Variants in HNRNPLL observed in about 807,000 individuals in gnomAD.
HNRNPLL encodes the protein heterogeneous nuclear ribonucleoprotein L like, also known as heterogeneous nuclear ribonucleoprotein L-like.
A neutral mutation model predicts 67.1 loss-of-function variants in HNRNPLL; 25 were observed. The ratio of observed to expected loss-of-function variants is 0.37; its 90% CI spans 0.27 to 0.52. The LOEUF (loss-of-function observed/expected upper bound fraction) is 0.52, where lower values mean the gene tolerates loss of function less well. Ranked by LOEUF, HNRNPLL falls within the 20% of genes least tolerant of loss-of-function variation. The probability of loss-of-function intolerance (pLI) is 0.90; values close to 1 mark genes in which losing one functional copy is unlikely to be tolerated. For synonymous variants in HNRNPLL, 267 were observed against 241.7 expected (o/e 1.10, Z -0.97); for missense variants, 542 against 673.9 (o/e 0.80, Z 2.17).
chr2:38,582,006 G>T (rs1191887262), intron 5 of HNRNPLL, 21 bp from the exon 6 acceptor site: 1 of 1,605,286 alleles, frequency 6.2e-7, no homozygotes, highest in African/African-American at 1.3e-5. Context: ...TGAAAATAAT[G>T]TAAGTTCAAA....
intron 1 of HNRNPLL, among the ~76,000 whole-genome samples, chr2:38,591,934 C>T (rs1666974547): frequency 6.6e-6 from 1 of 152,036 alleles, no homozygotes; most frequent in South Asian, 2.1e-4. Context: ...CAAGATCGCG[C>T]CACTGCACTC....
At chr2:38,583,947 A>G (rs1229563744) in intron 3 of HNRNPLL, 21 bp from the exon 4 acceptor site, 5 of 1,105,038 alleles carry the variant, frequency 4.5e-6, no homozygotes, top group Admixed American at 2.3e-5. Flanking sequence ...AAAGAAAAAG[A>G]TTTCTTCACA....
Position 38,582,010 on chromosome 2 carries a change from G to A in HNRNPLL, c.730-25C>T, listed in dbSNP as rs368937054. 15 of 1,600,560 alleles carry A rather than the reference G, an allele frequency of 9.4e-6. No individual in the cohort carries two copies. In the African/African-American group the frequency reaches 1.9e-4, roughly 20 times the overall value. On this transcript the variant is annotated intron_variant, in intron 5 of 12. Coordinates refer to ENST00000449105, the MANE Select transcript of HNRNPLL (RefSeq NM_138394.4). ...GCTGTTAAGATTGAAAATAATGTAA[G>A]TTCAAACTGCATATCCAAAGCATAA...
intron 8 of HNRNPLL, 101 bp downstream of exon 8, chr2:38,573,109 T>C: frequency 2.7e-6 from 2 of 751,896 alleles, no homozygotes; most frequent in Middle Eastern, 7.4e-4. Context: ...ACTCAAAGAA[T>C]TTGGATATTC....
At chr2:38,588,422 G>A (rs546803575) in intron 2 of HNRNPLL, among the ~76,000 whole-genome samples, 5 of 151,674 alleles carry the variant, frequency 3.3e-5, no homozygotes, top group Admixed American at 6.6e-5. Flanking sequence ...GGTGGCAGGC[G>A]CCTGTAATCC....
At chr2:38,570,916 C>T (rs1218809647) in intron 8 of HNRNPLL, among the ~76,000 whole-genome samples, 1 of 151,900 alleles carries the variant, frequency 6.6e-6, no homozygotes, top group African/African-American at 2.4e-5. Context: ...GGCATGGTGG[C>T]ATGCACCTGT....
At chr2:38,566,894 A>G (rs1019979424) in intron 12 of HNRNPLL, among the ~76,000 whole-genome samples, 5 of 152,070 alleles carry the variant, frequency 3.3e-5, no homozygotes, top group African/African-American at 9.6e-5. Flanking sequence ...GTTTATTACA[A>G]TAACAGAAAA....
chr2:38,568,107 C>T, intron 12 of HNRNPLL, 92 bp downstream of exon 12: 3 of 730,666 alleles, frequency 4.1e-6, no homozygotes, highest in Non-Finnish European at 4.5e-6. Flanking sequence ...TTTTAAGAAG[C>T]CTATTAAGTG....
rs547178507 is a variant in HNRNPLL at position 38,602,464 on chromosome 2, C to T, written c.163G>A (p.Gly55Ser). 1.1e-5 allele frequency: 17 copies of T among 1,539,086 alleles called. No homozygotes were observed. In the African/African-American group the frequency reaches 1.5e-4, roughly 14 times the overall value. The change falls in exon 1 of 13, where the codon GGC (glycine) becomes AGC (serine). Residue 55 changes from glycine (G) to serine (S), a missense_variant. Gly to Ser is a moderately conservative substitution (Grantham distance 56). This residue lies in a region of HNRNPLL where 127 missense variants were observed against 98.7 expected (regional missense o/e 1.29). Coordinates refer to ENST00000449105, the MANE Select transcript of HNRNPLL (RefSeq NM_138394.4). ...ATPRGGGDGGGGGRSFSQPEA... is the reference protein window; with the variant it reads ...ATPRGGGDGGSGGRSFSQPEA... Reference sequence around the variant, plus strand: ...GGCTGAGAGAAGCTCCGGCCGCCGCCGCCGCCATCGCCCCCGCCCCGGGGC... The same window carrying T: ...GGCTGAGAGAAGCTCCGGCCGCCGCTGCCGCCATCGCCCCCGCCCCGGGGC...
chr2:38,589,798 A>G (rs187586659), intron 2 of HNRNPLL, among the ~76,000 whole-genome samples: 20 of 150,336 alleles, frequency 1.3e-4, no homozygotes, highest in African/African-American at 3.5e-4. Flanking sequence ...TTCCATTTAT[A>G]TTTGCTCATC....
chr2:38,601,054 T>A (rs2148395422), intron 1 of HNRNPLL, among the ~76,000 whole-genome samples: 1 of 152,374 alleles, frequency 6.6e-6, no homozygotes, highest in South Asian at 2.1e-4. Flanking sequence ...TCAGTTATAA[T>A]ATTCCTGTTT....
intron 1 of HNRNPLL, among the ~76,000 whole-genome samples, chr2:38,599,375 T>C (rs1667331681): frequency 6.6e-6 from 1 of 152,234 alleles, no homozygotes; most frequent in South Asian, 2.1e-4. Context: ...AAGTGAAGCC[T>C]TAATATTTCC....
chr2:38,576,875 T>C (rs1666319938), intron 7 of HNRNPLL, among the ~76,000 whole-genome samples: 1 of 151,960 alleles, frequency 6.6e-6, no homozygotes, highest in South Asian at 2.1e-4. Flanking sequence ...AATAGTTTGA[T>C]ACCTAACGTT....
At chr2:38,564,498 T>A (rs1415098013) in intron 12 of HNRNPLL, among the ~76,000 whole-genome samples, 1 of 151,074 alleles carries the variant, frequency 6.6e-6, no homozygotes, top group Non-Finnish European at 1.5e-5. Context: ...TGCACGCCTG[T>A]AGTCCCAGCT....
rs1219242053 is a variant in HNRNPLL, at chr2:38,569,143, G to C, written c.1406C>G (p.Thr469Ser). 1 of 1,602,856 alleles carries C rather than the reference G, an allele frequency of 6.2e-7. No homozygotes were observed. The highest frequency in any genetic ancestry group is 1.3e-5 in the African/African-American group (1 of 74,762). ...YNVPLCVTEE[T>S]FTKLCNDHEV... ...TATTTCAGTGCCTACCTTTGTGAAG[G>C]TCTCTTCTGTGACACACAATGGAAC... Residue 469 changes from threonine (T) to serine (S), a missense_variant, in exon 10 of 13, where the codon ACC becomes AGC. Thr to Ser is a moderately conservative substitution (Grantham distance 58, BLOSUM62 1). This residue lies in a region of HNRNPLL where 415 missense variants were observed against 575.2 expected (regional missense o/e 0.72). Transcript: ENST00000449105.
chr2:38,589,953 T>A (rs776177032), intron 2 of HNRNPLL, among the ~76,000 whole-genome samples: 7 of 152,202 alleles, frequency 4.6e-5, no homozygotes, highest in Non-Finnish European at 8.8e-5. Context: ...AAGGTCCTTA[T>A]AGAGACAGGG....
intron 1 of HNRNPLL, among the ~76,000 whole-genome samples, chr2:38,594,839 G>A (rs1667108919): frequency 6.6e-6 from 1 of 151,450 alleles, no homozygotes; most frequent in African/African-American, 2.4e-5. Flanking sequence ...AGCTACTCAG[G>A]AAGCTGAGGC....
At chr2:38,601,014 C>A (rs1667410202) in intron 1 of HNRNPLL, among the ~76,000 whole-genome samples, 1 of 152,164 alleles carries the variant, frequency 6.6e-6, no homozygotes, top group African/African-American at 2.4e-5. Flanking sequence ...TTTCTAGCAA[C>A]GAGGTACACT....
At chr2:38,567,789 T>C (rs924526933) in intron 12 of HNRNPLL, among the ~76,000 whole-genome samples, 4 of 152,172 alleles carry the variant, frequency 2.6e-5, no homozygotes, top group Non-Finnish European at 4.4e-5. Context: ...TCAGCTACCA[T>C]CAAAAGGCCA....
Sources: allele counts gnomAD v4.1 joint callset (sites outside exome capture counted in the v4.1 genomes callset), GRCh38; gene constraint gnomAD v4.1.1; regional missense constraint gnomAD v4.1.1; transcripts MANE v1.5; gene names NCBI Gene and HGNC (gene_info 2026-07-23, HGNC 2026-07-21).